Variants in CYS1 observed in about 807,000 individuals in gnomAD.
CYS1 encodes the protein cystin-1.
A neutral mutation model predicts 9.6 loss-of-function variants in CYS1; 5 were observed. The observed-to-expected ratio is 0.52, with a 90% CI of 0.27 to 1.10. The LOEUF is 1.10. Among genes scored for constraint, CYS1 ranks in the 50% least tolerant of loss-of-function variants. CYS1 has a pLI of 0.11. For synonymous variants in CYS1, 88 were observed against 95.7 expected, an observed-to-expected ratio of 0.92 and a Z score of 0.47; for missense variants, 221 against 207.9, an observed-to-expected ratio of 1.06 and a Z score of -0.39.
chr2:10,064,516 G>A (rs765132389), intron 2 of CYS1, among the ~76,000 whole-genome samples: 15 of 151,792 alleles, frequency 9.9e-5, no homozygotes, highest in East Asian at 1.9e-4. Flanking sequence ...GCCCAGAGCC[G>A]GCCACAGCAT....
rs898711788 is a variant in CYS1 at position 10,063,643 on chromosome 2, G to A, written c.371+2261C>T. ...CACTGGAGGGAGGAGATTGAAGGGC[G>A]GGACACTGTTGCAGCCACAGGGTGA... On this transcript the variant is annotated intron_variant, in intron 2 of 2. Coordinates refer to ENST00000381813, the MANE Select transcript of CYS1 (RefSeq NM_001037160.3). The surrounding 1 kb of genome is among the most constrained non-coding windows in gnomAD (Gnocchi z 4.2). Among the ~76,000 whole-genome samples the A allele has an allele frequency of 4.6e-5, 7 of 152,244 alleles. No individual in the cohort carries two copies. Among genetic ancestry groups the A allele is most frequent in the Non-Finnish European group, 7.4e-5 (5 of 68,004 alleles).
intron 1 of CYS1, among the ~76,000 whole-genome samples, chr2:10,067,403 TTTC>T (rs1176649369): frequency 5.5e-5 from 7 of 126,186 alleles, no homozygotes; most frequent in Admixed American, 2.8e-4. Flanking sequence ...AAAAAATTCT[TTTC>T]TTTTTTTTTT....
At position 10,063,769 on chromosome 2, in the gene CYS1, A is replaced by G. The variant is rs955670984; in HGVS notation, c.371+2135T>C. ...GTGTGTGCCGTGGGCAGCGAGAAGC[A>G]CAGTGGGTACAGGGCAGATGCTGCC... On this transcript the variant is annotated intron_variant, in intron 2 of 2. Transcript: ENST00000381813. The surrounding 1 kb of genome is among the most constrained non-coding windows in gnomAD (Gnocchi z 4.2). 2.6e-5 allele frequency among the ~76,000 whole-genome samples: 4 copies of G among 152,154 alleles called. No homozygotes were observed. The highest frequency in any genetic ancestry group is 9.7e-5 in the African/African-American group (4 of 41,408).
rs1288288508 is a variant in CYS1, at chr2:10,079,403, C to G, written c.318+503G>C. Reference sequence around the variant, plus strand: ...TTGTTTTATTGTTTTTTTAGAACAGCAGGACTGTTATTACGAGTATTCAGG... The same window carrying G: ...TTGTTTTATTGTTTTTTTAGAACAGGAGGACTGTTATTACGAGTATTCAGG... On this transcript the variant is annotated intron_variant, in intron 1 of 2. Coordinates refer to ENST00000381813, the MANE Select transcript of CYS1 (RefSeq NM_001037160.3). Among the ~76,000 whole-genome samples, 3 of 152,348 alleles carry G rather than the reference C, an allele frequency of 2.0e-5. No homozygotes were observed. In the East Asian group the frequency reaches 5.8e-4, roughly 29 times the overall value.
At chr2:10,072,427 C>T (rs990819496) in intron 1 of CYS1, among the ~76,000 whole-genome samples, 1 of 152,194 alleles carries the variant, frequency 6.6e-6, no homozygotes, top group Non-Finnish European at 1.5e-5. Flanking sequence ...CATATTTACC[C>T]AAAATAAAAT....
intron 1 of CYS1, among the ~76,000 whole-genome samples, chr2:10,078,291 T>G (rs557296163): frequency 6.6e-6 from 1 of 152,202 alleles, no homozygotes; most frequent in South Asian, 2.1e-4. Flanking sequence ...CTCACACAGG[T>G]GGTCATGTTA....
intron 2 of CYS1, among the ~76,000 whole-genome samples, chr2:10,064,505 T>C (rs1661668541): frequency 1.3e-5 from 2 of 152,012 alleles, no homozygotes; most frequent in Non-Finnish European, 2.9e-5. Context: ...CTTCTAACAT[T>C]GCCCAGAGCC....
Position 10,077,233 on chromosome 2 carries a change from C to G in CYS1, c.318+2673G>C, listed in dbSNP as rs563452583. Among the ~76,000 whole-genome samples the G allele has an allele frequency of 3.9e-5, 6 of 152,266 alleles. No homozygotes were observed. In the East Asian group the frequency reaches 1.2e-3, roughly 29 times the overall value. ...GAAGCTCCCCTCCCCCAGCACAACCCCAGCTTCTGTGCCTGCCACCTCACT... is the reference window on the plus strand; with the variant it reads ...GAAGCTCCCCTCCCCCAGCACAACCGCAGCTTCTGTGCCTGCCACCTCACT... On this transcript the variant is annotated intron_variant, in intron 1 of 2. Transcript: ENST00000381813.
At chr2:10,064,440 G>A (rs948835435) in intron 2 of CYS1, among the ~76,000 whole-genome samples, 2 of 151,960 alleles carry the variant, frequency 1.3e-5, no homozygotes, top group Non-Finnish European at 2.9e-5. Flanking sequence ...ACAGTGCAGG[G>A]GCAGAGCTGC....
chr2:10,059,864 C>T (rs1045402029), intron 2 of CYS1, among the ~76,000 whole-genome samples: 3 of 152,248 alleles, frequency 2.0e-5, no homozygotes, highest in Non-Finnish European at 2.9e-5. Flanking sequence ...TGAGAGGGAC[C>T]GAGACCAGAG....
Position 10,076,559 on chromosome 2 carries a change from C to T in CYS1, c.318+3347G>A, listed in dbSNP as rs1661846636. On this transcript the variant is annotated intron_variant, in intron 1 of 2. Coordinates refer to ENST00000381813, the MANE Select transcript of CYS1 (RefSeq NM_001037160.3). This position sits in a 1 kb window ranked among gnomAD's most constrained non-coding sequence, Gnocchi z 4.3. ...AGCTCTCAGGCTTCCCGCATATATC[C>T]CACCAAGCAGCACTTCCAGCAGCTG... is the stretch of plus-strand genomic sequence containing the variant. Among the ~76,000 whole-genome samples the T allele has an allele frequency of 6.6e-6, 1 of 152,174 alleles. No homozygotes were observed. Among genetic ancestry groups the T allele is most frequent in the Non-Finnish European group, 1.5e-5 (1 of 68,044 alleles).
At position 10,076,100 on chromosome 2, in the gene CYS1, A is replaced by C. The variant is rs1661839092; in HGVS notation, c.318+3806T>G. 6.6e-6 allele frequency among the ~76,000 whole-genome samples: 1 copy of C among 152,270 alleles called. No individual in the cohort carries two copies. Among genetic ancestry groups the C allele is most frequent in the East Asian group, 1.9e-4 (1 of 5,190 alleles). On this transcript the variant is annotated intron_variant, in intron 1 of 2. Coordinates refer to ENST00000381813, the MANE Select transcript of CYS1 (RefSeq NM_001037160.3). The surrounding 1 kb of genome is among the most constrained non-coding windows in gnomAD (Gnocchi z 4.3). ...GCTACTCGGGATGCTGAGACAGGAG[A>C]ATTGCTTGAATCCTGGAGGCAGAGG...
intron 1 of CYS1, among the ~76,000 whole-genome samples, chr2:10,070,490 T>C (rs556472038): frequency 6.6e-6 from 1 of 151,836 alleles, no homozygotes. Context: ...GGATTACAGA[T>C]GTATGCCACC....
intron 1 of CYS1, among the ~76,000 whole-genome samples, chr2:10,071,818 G>A (rs184705171): frequency 2.0e-5 from 3 of 152,302 alleles, no homozygotes; most frequent in East Asian, 1.9e-4. Flanking sequence ...CTGGACGGAC[G>A]TGGGGAACCG....
intron 1 of CYS1, among the ~76,000 whole-genome samples, chr2:10,067,009 TTTTTA>T (rs1205299885): frequency 1.3e-5 from 2 of 152,222 alleles, no homozygotes; most frequent in Non-Finnish European, 2.9e-5. Flanking sequence ...TGGATATCTC[TTTTTA>T]TTTTATTTAT....
Position 10,080,357 on chromosome 2 carries a change from GC to G in CYS1, c.-135del. The G allele has an allele frequency of 2.3e-6, 1 of 443,868 alleles. No individual in the cohort carries two copies. Among genetic ancestry groups the G allele is most frequent in the Non-Finnish European group, 3.0e-6 (1 of 332,890 alleles). 27.5% of individuals were successfully genotyped at this position (443,868 alleles called of 1,614,324 possible). ...GGGCGAGGTCCGGGAAGCGACCGCGGCCAGGGGCTAGGGTTCCCGGGCGGGG... is the reference window on the plus strand; with the variant it reads ...GGGCGAGGTCCGGGAAGCGACCGCGGCAGGGGCTAGGGTTCCCGGGCGGGG... On this transcript the variant is annotated 5_prime_UTR_variant, in exon 1 of 3. Transcript: ENST00000381813. This position sits in a 1 kb window ranked among gnomAD's most constrained non-coding sequence, Gnocchi z 6.4.
chr2:10,065,190 C>T (rs138125860), intron 2 of CYS1, among the ~76,000 whole-genome samples: 1 of 152,308 alleles, frequency 6.6e-6, no homozygotes, highest in East Asian at 1.9e-4. Context: ...GTAGGACCTC[C>T]CAGTGTCTGT....
At chr2:10,066,184 G>C (rs1177927726) in intron 1 of CYS1, among the ~76,000 whole-genome samples, 1 of 152,222 alleles carries the variant, frequency 6.6e-6, no homozygotes, top group Non-Finnish European at 1.5e-5. Context: ...CAGAGCAAGT[G>C]GCAGAGCCAG....
chr2:10,062,474 C>T (rs1197107129), intron 2 of CYS1, among the ~76,000 whole-genome samples: 1 of 152,056 alleles, frequency 6.6e-6, no homozygotes, highest in Admixed American at 6.6e-5. Context: ...GATCTCGGCT[C>T]ATTGCAACCT....
Sources: allele counts gnomAD v4.1 joint callset (sites outside exome capture counted in the v4.1 genomes callset), GRCh38; gene constraint gnomAD v4.1.1; non-coding constraint Gnocchi (gnomAD v3.1); transcripts MANE v1.5; gene names NCBI Gene and HGNC (gene_info 2026-07-23, HGNC 2026-07-21).